DNAL4: variants seen among roughly 807,000 people sequenced by gnomAD.
The protein encoded by DNAL4 is dynein light chain, outer arm 4.
Under a neutral mutation model 12.6 loss-of-function variants are expected in DNAL4, and 10 were observed. That is an observed-to-expected ratio of 0.79 (90% CI 0.49 to 1.34). DNAL4 has a LOEUF of 1.34. Among genes scored for constraint, DNAL4 ranks in the 40% most tolerant of loss-of-function variants. DNAL4 has a pLI of 0.00. For missense variants in DNAL4, 128 were observed against 138.1 expected (o/e 0.93, Z 0.37); for synonymous variants, 46 against 53.1 (o/e 0.87, Z 0.58).
intron 1 of DNAL4, among the ~76,000 whole-genome samples, chr22:38,792,287 C>CTT (rs35443069): frequency 6.4e-4 from 94 of 146,262 alleles, no homozygotes; most frequent in South Asian, 2.5e-3. Context: ...TTCTTTTTTA[C>CTT]TTTTTTTTTT....
chr22:38,792,460 T>C (rs2093052334), intron 1 of DNAL4, among the ~76,000 whole-genome samples: 1 of 152,186 alleles, frequency 6.6e-6, no homozygotes, highest in African/African-American at 2.4e-5. Context: ...TTTTTTGTAT[T>C]TTTAGTAGGG....
intron 1 of DNAL4, among the ~76,000 whole-genome samples, chr22:38,784,858 C>T (rs977295334): frequency 1.3e-5 from 2 of 152,068 alleles, no homozygotes; most frequent in African/African-American, 4.8e-5. Context: ...TTTGGCCCAG[C>T]CTTGAGCTTT....
At position 38,782,686 on chromosome 22, in the gene DNAL4, G is replaced by T. The variant is rs1603239360; in HGVS notation, c.46C>A (p.Leu16Met). The change falls in exon 2 of 4, where the codon CTG becomes ATG. Residue 16 changes from leucine (L) to methionine (M), a missense_variant. Transcript: ENST00000216068. The surrounding 1 kb of genome is among the most constrained non-coding windows in gnomAD (Gnocchi z 5.1). ...ACCCTGACCAGAGGGAAGGTCTGCA[G>T]TCGCTTATAATCAGCCTCATCTTTC... ...GKKDEADYKR[L>M]QTFPLVRHSD... 6.2e-7 allele frequency: 1 copy of T among 1,613,536 alleles called. No homozygotes were observed. Among genetic ancestry groups the T allele is most frequent in the South Asian group, 1.1e-5 (1 of 90,958 alleles).
chr22:38,783,556 G>A (rs2093037750), intron 1 of DNAL4, among the ~76,000 whole-genome samples: 2 of 152,250 alleles, frequency 1.3e-5, no homozygotes, highest in African/African-American at 4.8e-5. Flanking sequence ...AGGGGAATGG[G>A]CACGGTGCTG....
chr22:38,785,286 T>C (rs1462757660), intron 1 of DNAL4: 1 of 152,216 alleles, frequency 6.6e-6, no homozygotes, highest in Non-Finnish European at 1.5e-5. Context: ...AGGTGGCGGC[T>C]ACACTGATGA....
At chr22:38,786,367 T>G (rs1454643113) in intron 1 of DNAL4, among the ~76,000 whole-genome samples, 1 of 152,170 alleles carries the variant, frequency 6.6e-6, no homozygotes, top group Non-Finnish European at 1.5e-5. Flanking sequence ...GAGACCAGCC[T>G]GGCCAACAGG....
At chr22:38,789,318 T>C (rs183328694) in intron 1 of DNAL4, among the ~76,000 whole-genome samples, 2 of 152,284 alleles carry the variant, frequency 1.3e-5, no homozygotes, top group East Asian at 3.9e-4. Flanking sequence ...CAGGCTGGAG[T>C]GCGGTGGCAT....
At position 38,779,123 on chromosome 22, in the gene DNAL4, G is replaced by T; in HGVS notation, c.*326C>A. On this transcript the variant is annotated 3_prime_UTR_variant, in exon 4 of 4. Coordinates refer to ENST00000216068, the MANE Select transcript of DNAL4 (RefSeq NM_005740.3). This position sits in a 1 kb window ranked among gnomAD's most constrained non-coding sequence, Gnocchi z 4.3. ...AGGATGCAAGGGGAAGGCAGCCCTG[G>T]AGAAAGGGGGACTGGCGTGTTCCTG... 4.8e-6 allele frequency: 1 copy of T among 210,270 alleles called. No individual in the cohort carries two copies. The highest frequency in any genetic ancestry group is 9.4e-6 in the Non-Finnish European group (1 of 106,202). The allele number at this position is 210,270 out of a possible 1,614,324, so 13.0% of individuals were successfully genotyped here.
chr22:38,787,312 G>A (rs181672886), intron 1 of DNAL4, among the ~76,000 whole-genome samples: 4 of 151,614 alleles, frequency 2.6e-5, no homozygotes, highest in African/African-American at 9.7e-5. Context: ...CGCGATCTCG[G>A]CTCACTGCAA....
At chr22:38,780,101 T>G (rs2093031982) in intron 3 of DNAL4, among the ~76,000 whole-genome samples, 1 of 152,164 alleles carries the variant, frequency 6.6e-6, no homozygotes, top group Non-Finnish European at 1.5e-5. Flanking sequence ...CTTCTTCCTG[T>G]GCCTGCTCTT....
rs567646407 is a variant in DNAL4 at position 38,778,711 on chromosome 22, C to T, written c.*738G>A. ...CCAGGGTTCCCTGCGGAAGCAGCCT[C>T]GTGGTGAGAGCACTCCTGCCCAGGT... is the stretch of plus-strand genomic sequence containing the variant. On this transcript the variant is annotated 3_prime_UTR_variant, in exon 4 of 4. Transcript: ENST00000216068. 2 of 152,850 alleles carry T rather than the reference C, an allele frequency of 1.3e-5. No individual in the cohort carries two copies. The highest frequency in any genetic ancestry group is 1.5e-5 in the Non-Finnish European group (1 of 68,072). 9.5% of individuals were successfully genotyped at this position (152,850 alleles called of 1,614,324 possible).
intron 1 of DNAL4, among the ~76,000 whole-genome samples, chr22:38,784,298 G>A (rs2093038857): frequency 1.3e-5 from 2 of 152,112 alleles, no homozygotes; most frequent in Non-Finnish European, 2.9e-5. Flanking sequence ...GCTGGCCTGA[G>A]GTCACTCAGC....
rs1365456162 is a variant in DNAL4, at chr22:38,779,257, G to C, written c.*192C>G. 7 of 724,454 alleles carry C rather than the reference G, an allele frequency of 9.7e-6. No individual in the cohort carries two copies. Among genetic ancestry groups the C allele is most frequent in the Non-Finnish European group, 1.5e-5 (7 of 469,286 alleles). The allele number at this position is 724,454 out of a possible 1,614,324, so 44.9% of individuals were successfully genotyped here. A position where few individuals can be genotyped will look rare whatever the true frequency, so the allele number is the denominator to read the frequency against. On this transcript the variant is annotated 3_prime_UTR_variant, in exon 4 of 4. Transcript: ENST00000216068. The surrounding 1 kb of genome is among the most constrained non-coding windows in gnomAD (Gnocchi z 4.3). ...CCGTCCACACCCTGAGACTCCGAGG[G>C]AGACGGTTGAGAGCCTGGGGATGGA...
chr22:38,786,454 G>A lies in DNAL4; in HGVS notation c.-139-3584C>T, dbSNP rs2093042352. Among the ~76,000 whole-genome samples, 3 of 152,236 alleles carry A rather than the reference G, an allele frequency of 2.0e-5. No homozygotes were observed. The South Asian group carries it at 6.2e-4, about 32-fold the overall frequency. On this transcript the variant is annotated intron_variant, in intron 1 of 3. Coordinates refer to ENST00000216068, the MANE Select transcript of DNAL4 (RefSeq NM_005740.3). The stretch of plus-strand genomic sequence containing the variant: ...CATGCCTGTAATCCCAGCTACTGGG[G>A]AGGCTGAGGCAGGAGAATGGCTTGA...
At chr22:38,786,570 AAAC>A (rs2093042564) in intron 1 of DNAL4, among the ~76,000 whole-genome samples, 1 of 152,116 alleles carries the variant, frequency 6.6e-6, no homozygotes, top group Non-Finnish European at 1.5e-5. Flanking sequence ...AAACAAAACA[AAAC>A]AAAACAAAAC....
At chr22:38,783,656 C>T (rs1212105806) in intron 1 of DNAL4, among the ~76,000 whole-genome samples, 1 of 152,226 alleles carries the variant, frequency 6.6e-6, no homozygotes, top group Middle Eastern at 3.2e-3. Flanking sequence ...GGCCCAGCAG[C>T]TGGGAGGCTT....
rs141804877 is a variant in DNAL4 at position 38,788,997 on chromosome 22, A to C, written c.-140+5071T>G. The stretch of plus-strand genomic sequence containing the variant: ...GAAGCCCAGAAATTATCCAAATTGC[A>C]ATTAACTTATATTTCATTTGCCCCA... On this transcript the variant is annotated intron_variant, in intron 1 of 3. Coordinates refer to ENST00000216068, the MANE Select transcript of DNAL4 (RefSeq NM_005740.3). 1.4e-4 allele frequency among the ~76,000 whole-genome samples: 21 copies of C among 152,264 alleles called. No homozygotes were observed. The East Asian group carries it at 4.1e-3, about 29-fold the overall frequency.
chr22:38,793,676 G>T (rs1213804218), intron 1 of DNAL4, among the ~76,000 whole-genome samples: 2 of 152,160 alleles, frequency 1.3e-5, no homozygotes, highest in Non-Finnish European at 2.9e-5. Flanking sequence ...CCAGTAAGTC[G>T]CCAACTCTCC....
At chr22:38,788,808 T>C (rs1251774608) in intron 1 of DNAL4, among the ~76,000 whole-genome samples, 1 of 152,176 alleles carries the variant, frequency 6.6e-6, no homozygotes, top group Non-Finnish European at 1.5e-5. Context: ...GGACTTAGCA[T>C]GGATTTATTT....
Sources: gnomAD v4.1 joint callset for allele counts (sites outside exome capture counted in the v4.1 genomes callset) on GRCh38, gnomAD v4.1.1 for gene constraint, Gnocchi (gnomAD v3.1) non-coding constraint, MANE v1.5 for transcripts, NCBI Gene and HGNC (gene_info 2026-07-23, HGNC 2026-07-21) for gene names.